The following KCNH7 variants were observed in gnomAD, a reference collection of about 807,000 sequenced individuals.
The protein encoded by KCNH7 is voltage-gated inwardly rectifying potassium channel KCNH7.
A neutral mutation model predicts 120.8 loss-of-function variants in KCNH7; 49 were observed. The observed-to-expected ratio is 0.41, with a 90% confidence interval of 0.32 to 0.51. The LOEUF is 0.51. KCNH7 is among the 20% of genes least tolerant of loss of function. The pLI is 0.38. For missense variants in KCNH7, 1,097 were observed against 1,446.6 expected (o/e 0.76, Z 3.92); for synonymous variants, 547 against 516.1 (o/e 1.06, Z -0.81).
At position 162,468,512 on chromosome 2, in the gene KCNH7, CTTTTTTTTTT is replaced by C. The variant is rs1166606647; in HGVS notation, c.1129-22079_1129-22070del. Among the ~76,000 whole-genome samples the C allele has an allele frequency of 5.1e-5, 4 of 78,918 alleles. No homozygotes were observed. In the East Asian group the frequency reaches 1.4e-3, roughly 28 times the overall value. 51.8% of individuals were successfully genotyped at this position (78,918 alleles called of 152,430 possible). Reference sequence around the variant, plus strand: ...CTTGGGCAAGGTATTTATTCTTTTCCTTTTTTTTTTTTTTTTTTTTTTTTTTCAGACGGAG... The same window carrying C: ...CTTGGGCAAGGTATTTATTCTTTTCCTTTTTTTTTTTTTTTTCAGACGGAG... On this transcript the variant is annotated intron_variant, in intron 6 of 15. Coordinates refer to ENST00000332142, the MANE Select transcript of KCNH7 (RefSeq NM_033272.4).
At chr2:162,411,093 C>A (rs1325991246) in intron 9 of KCNH7, among the ~76,000 whole-genome samples, 1 of 152,050 alleles carries the variant, frequency 6.6e-6, no homozygotes, top group Non-Finnish European at 1.5e-5. Context: ...CCAGCAGTCC[C>A]ACTGTTGGGC....
intron 15 of KCNH7, among the ~76,000 whole-genome samples, chr2:162,372,304 T>C (rs1460962507): frequency 6.6e-6 from 1 of 152,140 alleles, no homozygotes; most frequent in Admixed American, 6.6e-5. Flanking sequence ...CCAAGAACTT[T>C]TATTTAACCC....
intron 2 of KCNH7, among the ~76,000 whole-genome samples, chr2:162,799,897 T>C (rs1168893647): frequency 6.6e-6 from 1 of 151,748 alleles, no homozygotes; most frequent in Non-Finnish European, 1.5e-5. Flanking sequence ...CCAGTGCTTA[T>C]GGAAGTGTAA....
intron 2 of KCNH7, among the ~76,000 whole-genome samples, chr2:162,771,392 T>C (rs544527108): frequency 4.2e-4 from 64 of 152,154 alleles, no homozygotes; most frequent in Non-Finnish European, 7.4e-4. Flanking sequence ...CTCCTTTGTG[T>C]AGGTTTCCTC....
chr2:162,728,985 G>A (rs1487296689), intron 2 of KCNH7, among the ~76,000 whole-genome samples: 1 of 151,620 alleles, frequency 6.6e-6, no homozygotes, highest in African/African-American at 2.4e-5. Context: ...TGTGAAGTAA[G>A]GTTCAAGTTT....
chr2:162,833,849 G>A (rs764271174), intron 2 of KCNH7, among the ~76,000 whole-genome samples: 1 of 152,052 alleles, frequency 6.6e-6, no homozygotes, highest in African/African-American at 2.4e-5. Flanking sequence ...TACTCCTCCA[G>A]TAAGAGCAAA....
At chr2:162,582,029 C>A (rs1231664829) in intron 2 of KCNH7, among the ~76,000 whole-genome samples, 1 of 151,984 alleles carries the variant, frequency 6.6e-6, no homozygotes, top group Non-Finnish European at 1.5e-5. Flanking sequence ...AGCCAGCTTG[C>A]AAAGCAAAAT....
chr2:162,603,353 T>C (rs1005729252), intron 2 of KCNH7, among the ~76,000 whole-genome samples: 10 of 152,088 alleles, frequency 6.6e-5, no homozygotes, highest in Admixed American at 5.9e-4. Context: ...ATTAATGTTG[T>C]TCCCTCATTC....
At chr2:162,582,819 C>G (rs1693922423) in intron 2 of KCNH7, among the ~76,000 whole-genome samples, 1 of 152,114 alleles carries the variant, frequency 6.6e-6, no homozygotes, top group African/African-American at 2.4e-5. Context: ...TCCAACCTCA[C>G]TTTCCTACCC....
At chr2:162,745,984 T>C (rs1221701282) in intron 2 of KCNH7, among the ~76,000 whole-genome samples, 1 of 152,076 alleles carries the variant, frequency 6.6e-6, no homozygotes, top group East Asian at 1.9e-4. Context: ...GATGTAACTT[T>C]ATAAAGACTA....
intron 2 of KCNH7, among the ~76,000 whole-genome samples, chr2:162,691,349 T>C (rs1225375690): frequency 6.6e-6 from 1 of 152,190 alleles, no homozygotes; most frequent in Non-Finnish European, 1.5e-5. Flanking sequence ...TCTAGGTCAA[T>C]AGCTAAATTT....
At chr2:162,827,252 T>G (rs920824330) in intron 2 of KCNH7, among the ~76,000 whole-genome samples, 1 of 152,032 alleles carries the variant, frequency 6.6e-6, no homozygotes, top group African/African-American at 2.4e-5. Flanking sequence ...GAAATAAAAC[T>G]TTCTTGTGGG....
At chr2:162,394,680 A>C (rs1411702742) in intron 11 of KCNH7, among the ~76,000 whole-genome samples, 195 bp from the exon 12 acceptor site, 2 of 151,954 alleles carry the variant, frequency 1.3e-5, no homozygotes, top group East Asian at 3.9e-4. Flanking sequence ...AATAATTTTT[A>C]GTACTTTCAC....
chr2:162,644,586 T>C (rs1684285481), intron 2 of KCNH7, among the ~76,000 whole-genome samples: 1 of 152,200 alleles, frequency 6.6e-6, no homozygotes, highest in South Asian at 2.1e-4. Context: ...ATTTTATCTA[T>C]CAATACTTCG....
chr2:162,821,736 T>G (rs186354688), intron 2 of KCNH7, among the ~76,000 whole-genome samples: 1 of 152,312 alleles, frequency 6.6e-6, no homozygotes, highest in South Asian at 2.1e-4. Flanking sequence ...GTGCTTATAT[T>G]TGGACATTTA....
chr2:162,423,580 G>A (rs375181432), intron 8 of KCNH7, 45 bp from the exon 9 acceptor site: 18 of 1,535,018 alleles, frequency 1.2e-5, no homozygotes, highest in African/African-American at 6.8e-5. Flanking sequence ...CTGCACATAG[G>A]TGTGTTATAT....
chr2:162,758,454 A>T (rs1402481328), intron 2 of KCNH7, among the ~76,000 whole-genome samples: 1 of 152,158 alleles, frequency 6.6e-6, no homozygotes, highest in Non-Finnish European at 1.5e-5. Flanking sequence ...TATATTGTTT[A>T]TATGTACACA....
rs564660948 is a variant in KCNH7, at chr2:162,827,543, A to G, written c.307+8994T>C. Among the ~76,000 whole-genome samples, 162 of 152,024 alleles carry G rather than the reference A, an allele frequency of 1.1e-3. 1 individual carries two copies. The South Asian group carries it at 0.011, about 10-fold the overall frequency. On this transcript the variant is annotated intron_variant, in intron 2 of 15. Coordinates refer to ENST00000332142, the MANE Select transcript of KCNH7 (RefSeq NM_033272.4). The stretch of plus-strand genomic sequence containing the variant: ...AACACTCTGCCTGATATTCATTTTG[A>G]TTGATAAAGTTCTGTTAAAAATGCA...
At chr2:162,794,567 C>G (rs866440731) in intron 2 of KCNH7, among the ~76,000 whole-genome samples, 2 of 151,994 alleles carry the variant, frequency 1.3e-5, no homozygotes, top group Non-Finnish European at 2.9e-5. Flanking sequence ...CAATCACTGT[C>G]CTTTTAATGT....
Sources: gnomAD v4.1 joint callset for allele counts (sites outside exome capture counted in the v4.1 genomes callset) on GRCh38, gnomAD v4.1.1 for gene constraint, MANE v1.5 for transcripts, NCBI Gene and HGNC (gene_info 2026-07-23, HGNC 2026-07-21) for gene names.